Variants in FAM193A observed in about 807,000 individuals in gnomAD.
FAM193A encodes the protein family with sequence similarity 193 member A, also known as protein FAM193A.
A neutral mutation model predicts 126.5 loss-of-function variants in FAM193A; 22 were observed. That is an observed-to-expected ratio of 0.17 (90% CI 0.12 to 0.25). The LOEUF (loss-of-function observed/expected upper bound fraction) is 0.25, where lower values mean the gene tolerates loss of function less well. Among genes scored for constraint, FAM193A ranks in the 10% least tolerant of loss-of-function variants. The pLI is 1.00. For missense variants in FAM193A, 1,675 were observed against 1,672.8 expected (o/e 1.00, Z -0.02); for synonymous variants, 761 against 646.8 (o/e 1.18, Z -2.68).
chr4:2,621,742 T>C (rs1281749568), intron 2 of FAM193A, among the ~76,000 whole-genome samples: 2 of 152,044 alleles, frequency 1.3e-5, no homozygotes, highest in East Asian at 3.8e-4. Context: ...TGCTTAGGAT[T>C]GAGGTGGAGT....
chr4:2,597,919 T>G (rs1740962827), intron 2 of FAM193A, among the ~76,000 whole-genome samples: 1 of 152,142 alleles, frequency 6.6e-6, no homozygotes, highest in Non-Finnish European at 1.5e-5. Context: ...GAATTTTTTT[T>G]TTTGAGACAG....
chr4:2,671,415 A>G (rs1237718968), intron 12 of FAM193A, among the ~76,000 whole-genome samples: 1 of 152,136 alleles, frequency 6.6e-6, no homozygotes, highest in East Asian at 1.9e-4. Context: ...TGTTTTTGGT[A>G]GCAGGGTTGG....
rs1458224554 is a variant in FAM193A at position 2,700,353 on chromosome 4, A to T, written c.4181A>T (p.Asn1394Ile). Residue 1394 changes from asparagine to isoleucine, a missense_variant, in exon 19 of 21, where the codon AAC becomes ATC. Coordinates refer to ENST00000637812, the MANE Select transcript of FAM193A (RefSeq NM_001366318.2). ...CAGAAAAGAGAGGAGAGAAAAGTCA[A>T]CAGTAATAACAATAACAAAAAGCAG... ...TEQKREERKV[N>I]SNNNNKKQLN... 1 of 1,614,160 alleles carries T rather than the reference A, an allele frequency of 6.2e-7. No individual in the cohort carries two copies. The highest frequency in any genetic ancestry group is 8.5e-7 in the Non-Finnish European group (1 of 1,180,040).
chr4:2,634,696 C>T (rs575331170), intron 5 of FAM193A, among the ~76,000 whole-genome samples: 65 of 152,220 alleles, frequency 4.3e-4, no homozygotes, highest in African/African-American at 1.4e-3. Context: ...CTGAAAAATA[C>T]TAGTGTTCAG....
intron 1 of FAM193A, among the ~76,000 whole-genome samples, chr4:2,581,838 A>G (rs775331910): frequency 1.2e-3 from 185 of 151,526 alleles, no homozygotes; most frequent in Middle Eastern, 3.5e-3. Context: ...TATTTTTAGT[A>G]GAGACAGGGT....
chr4:2,717,456 C>A (rs373012781), intron 20 of FAM193A, among the ~76,000 whole-genome samples: 8 of 151,840 alleles, frequency 5.3e-5, no homozygotes, highest in Non-Finnish European at 1.2e-4. Context: ...ATTACCTGGA[C>A]GTGGTGACAA....
At chr4:2,715,391 A>AGAT (rs1719431096) in intron 19 of FAM193A, 3 of 462,112 alleles carry the variant, frequency 6.5e-6, no homozygotes, top group Non-Finnish European at 8.5e-6. Flanking sequence ...TGAGCCTGGA[A>AGAT]GATGGAGGTT....
chr4:2,611,718 C>T (rs1741885552), intron 2 of FAM193A, among the ~76,000 whole-genome samples: 1 of 152,044 alleles, frequency 6.6e-6, no homozygotes, highest in South Asian at 2.1e-4. Context: ...TTTATATAAT[C>T]TCAATACAAG....
In FAM193A at chr4:2,569,214, A is replaced by G. The variant is rs762097365; in HGVS notation, c.256-26870A>G. Among the ~76,000 whole-genome samples the G allele has an allele frequency of 1.1e-3, 161 of 151,038 alleles. 1 individual carries two copies. Among genetic ancestry groups the G allele is most frequent in the East Asian group, 3.9e-4 (2 of 5,120 alleles). On this transcript the variant is annotated intron_variant, in intron 1 of 20. Transcript: ENST00000637812. ...TCGAACTCGTGAGCTCAGGTAATCC[A>G]CCCTGGCCTCCCAAAGTGCTGGGAT... is the stretch of plus-strand genomic sequence containing the variant.
chr4:2,655,156 G>A lies in FAM193A; in HGVS notation c.1312-2647G>A, dbSNP rs1017630116. ...TGAGTGTTTCACCATGAAGTTTGAT[G>A]CTTGCCATACAGACTTTTGATACTT... On this transcript the variant is annotated intron_variant, in intron 7 of 20. Transcript: ENST00000637812. 3 of 687,404 alleles carry A rather than the reference G, an allele frequency of 4.4e-6. No homozygotes were observed. The Admixed American group carries it at 6.2e-5, about 14-fold the overall frequency. The allele number at this position is 687,404 out of a possible 1,614,324, so 42.6% of individuals were successfully genotyped here. A position where few individuals can be genotyped will look rare whatever the true frequency, so the allele number is the denominator to read the frequency against.
intron 2 of FAM193A, among the ~76,000 whole-genome samples, chr4:2,615,409 C>T (rs1742119712): frequency 6.6e-6 from 1 of 152,176 alleles, no homozygotes. Context: ...TTAGCTGCAT[C>T]CCACAAATTC....
At chr4:2,731,215 A>C (rs1577295972) in intron 20 of FAM193A, among the ~76,000 whole-genome samples, 1 of 117,574 alleles carries the variant, frequency 8.5e-6, no homozygotes, top group East Asian at 2.6e-4. Flanking sequence ...AAAAAAAAAA[A>C]AAAAAAAAAC....
intron 6 of FAM193A, among the ~76,000 whole-genome samples, chr4:2,645,462 T>A (rs566812172): frequency 1.3e-5 from 2 of 152,294 alleles, no homozygotes; most frequent in East Asian, 1.9e-4. Context: ...CACCTGCATG[T>A]GTGTCTTTTG....
chr4:2,691,032 C>CGTCTTT, intron 15 of FAM193A, 62 bp downstream of exon 15: 3 of 1,472,758 alleles, frequency 2.0e-6, no homozygotes, highest in Non-Finnish European at 2.8e-6. Context: ...ACTGACTTCT[C>CGTCTTT]GTCTTTGTAA....
chr4:2,627,867 C>G (rs536920523), intron 4 of FAM193A, among the ~76,000 whole-genome samples: 1 of 151,812 alleles, frequency 6.6e-6, no homozygotes, highest in African/African-American at 2.4e-5. Flanking sequence ...CTCAGCCTGC[C>G]GAGTAGCTGG....
chr4:2,610,845 C>T (rs756563082), intron 2 of FAM193A, among the ~76,000 whole-genome samples: 4 of 151,926 alleles, frequency 2.6e-5, no homozygotes, highest in African/African-American at 4.8e-5. Flanking sequence ...TCAAGCGATT[C>T]TCCTGCCTCA....
intron 1 of FAM193A, among the ~76,000 whole-genome samples, chr4:2,583,766 T>C (rs111547160): frequency 1.8e-4 from 28 of 152,376 alleles, no homozygotes; most frequent in African/African-American, 6.5e-4. Flanking sequence ...TGTATTTGTT[T>C]TCTTTCCCTG....
At chr4:2,590,957 G>GT (rs1740536397) in intron 1 of FAM193A, among the ~76,000 whole-genome samples, 1 of 151,788 alleles carries the variant, frequency 6.6e-6, no homozygotes, top group African/African-American at 2.4e-5. Context: ...AACCTGGGAG[G>GT]TGGAGGTTGC....
chr4:2,645,166 G>C (rs1351329709), intron 6 of FAM193A, among the ~76,000 whole-genome samples: 1 of 152,116 alleles, frequency 6.6e-6, no homozygotes, highest in Admixed American at 6.5e-5. Flanking sequence ...GTGTTTTTAT[G>C]TAAATAGTGC....
Sources: gnomAD v4.1 joint callset for allele counts (sites outside exome capture counted in the v4.1 genomes callset) on GRCh38, gnomAD v4.1.1 for gene constraint, MANE v1.5 for transcripts, NCBI Gene and HGNC (gene_info 2026-07-23, HGNC 2026-07-21) for gene names.